Variants in PHF19 observed in about 807,000 individuals in gnomAD.
PHF19 encodes the protein polycomb like 3.
In PHF19, 21 loss-of-function variants were observed where a neutral mutation model predicts 79.8. That is an observed-to-expected ratio of 0.26 (90% CI 0.19 to 0.38). PHF19 has a LOEUF of 0.38. Ranked by LOEUF, PHF19 falls within the 10% of genes least tolerant of loss-of-function variation. PHF19 has a pLI of 1.00. For missense variants in PHF19, 445 were observed against 744.2 expected (o/e 0.60, Z 4.68); for synonymous variants, 273 against 296.3 (o/e 0.92, Z 0.81).
At chr9:120,871,248 T>G (rs965553723) in intron 3 of PHF19, among the ~76,000 whole-genome samples, 22 of 152,210 alleles carry the variant, frequency 1.4e-4, no homozygotes. Flanking sequence ...TATGAACTCA[T>G]GGCCAATCTC....
intron 1 of PHF19, chr9:120,894,694 G>C (rs1483469527): frequency 4.1e-6 from 2 of 482,124 alleles, no homozygotes; most frequent in Admixed American, 4.8e-5. Context: ...CGCTCAATGC[G>C]TTCCATATGG....
At chr9:120,902,085 CA>C in the PHF19 span, among the ~76,000 whole-genome samples, 1 of 152,298 alleles carries the variant, frequency 6.6e-6, no homozygotes, top group Admixed American at 6.5e-5. Flanking sequence ...AAAAGTGACA[CA>C]AACCCTCTTC....
At position 120,891,867 on chromosome 9, in the gene PHF19, C is replaced by T. The variant is rs964199891; in HGVS notation, c.42+2921G>A. 4.6e-5 allele frequency among the ~76,000 whole-genome samples: 7 copies of T among 152,298 alleles called. No homozygotes were observed. The highest frequency in any genetic ancestry group is 1.7e-4 in the African/African-American group (7 of 41,562). Reference sequence around the variant, plus strand: ...CAGACCAGGGACCCTGTGCTATAAACAAGTCTCCTGGTGATCCTTCTGCAC... The same window carrying T: ...CAGACCAGGGACCCTGTGCTATAAATAAGTCTCCTGGTGATCCTTCTGCAC... On this transcript the variant is annotated intron_variant, in intron 1 of 14. Transcript: ENST00000616568. This position sits in a 1 kb window ranked among gnomAD's most constrained non-coding sequence, Gnocchi z 4.3.
intron 12 of PHF19, 25 bp downstream of exon 12, chr9:120,861,893 G>A: frequency 6.6e-7 from 1 of 1,509,300 alleles, no homozygotes; most frequent in East Asian, 2.3e-5. Context: ...TATGAAAATG[G>A]AGAGTAAGAA....
rs534049616 is a variant in PHF19 at position 120,884,814 on chromosome 9, C to T, written c.42+9974G>A. On this transcript the variant is annotated intron_variant, in intron 1 of 14. Transcript: ENST00000616568. The stretch of plus-strand genomic sequence containing the variant: ...TACACGCCTATGATCCCAGCTACTC[C>T]AGAGGCCGAGGCATGAGAATCACTT... 1.2e-4 allele frequency among the ~76,000 whole-genome samples: 18 copies of T among 151,552 alleles called. 1 individual carries two copies. The South Asian group carries it at 3.6e-3, about 30-fold the overall frequency.
In PHF19 at chr9:120,863,689, A is replaced by C. The variant is rs1449625484; in HGVS notation, c.968+360T>G. Among the ~76,000 whole-genome samples, 7 of 152,262 alleles carry C rather than the reference A, an allele frequency of 4.6e-5. 1 individual carries two copies. The East Asian group carries it at 1.4e-3, about 29-fold the overall frequency. ...TGTGTGCTGAGAACCCTGGATGGGA[A>C]GACAGGGGCTGAGGGATGTCTTCCA... On this transcript the variant is annotated intron_variant, in intron 10 of 14. Transcript: ENST00000373896.
upstream of PHF19, among the ~76,000 whole-genome samples, chr9:120,878,605 C>G (rs933957778): frequency 6.6e-6 from 1 of 152,204 alleles, no homozygotes; most frequent in Non-Finnish European, 1.5e-5. Flanking sequence ...GTGCAGCCCC[C>G]CACCTCACCT....
At chr9:120,875,703 G>A (rs151151741) in intron 1 of PHF19, among the ~76,000 whole-genome samples, 5 of 152,242 alleles carry the variant, frequency 3.3e-5, no homozygotes, top group African/African-American at 1.2e-4. Flanking sequence ...AGGCACCTAG[G>A]GTGGGGAACG....
Position 120,869,677 on chromosome 9 carries a change from TC to T in PHF19, c.465+167del. On this transcript the variant is annotated intron_variant, in intron 5 of 14. Coordinates refer to ENST00000373896, the MANE Select transcript of PHF19 (RefSeq NM_015651.3). The surrounding 1 kb of genome is among the most constrained non-coding windows in gnomAD (Gnocchi z 5.8). Reference sequence around the variant, plus strand: ...ACTTTACAGTTGAGGAAACTGAGGCTCAGGGAGTCTACAAATCCTGGCCAAG... The same window carrying T: ...ACTTTACAGTTGAGGAAACTGAGGCTAGGGAGTCTACAAATCCTGGCCAAG... The T allele has an allele frequency of 6.5e-7, 1 of 1,550,292 alleles. No individual in the cohort carries two copies. Among genetic ancestry groups the T allele is most frequent in the Non-Finnish European group, 8.7e-7 (1 of 1,145,832 alleles).
chr9:120,900,897 C>A, the PHF19 span, among the ~76,000 whole-genome samples: 1 of 152,194 alleles, frequency 6.6e-6, no homozygotes, highest in East Asian at 1.9e-4. Flanking sequence ...GTGTCTCTTA[C>A]AATCAGGAAT....
At position 120,869,096 on chromosome 9, in the gene PHF19, C is replaced by T; in HGVS notation, c.614+86G>A. 1 of 1,407,124 alleles carries T rather than the reference C, an allele frequency of 7.1e-7. No homozygotes were observed. 87.2% of individuals were successfully genotyped at this position (1,407,124 alleles called of 1,614,324 possible). On this transcript the variant is annotated intron_variant, in intron 6 of 14. Coordinates refer to ENST00000373896, the MANE Select transcript of PHF19 (RefSeq NM_015651.3). The surrounding 1 kb of genome is among the most constrained non-coding windows in gnomAD (Gnocchi z 5.8). The stretch of plus-strand genomic sequence containing the variant: ...CAAGGTCCCCGCCTTGGCTGACACG[C>T]CAGGCTCGCTCCCTATGGGCGGTCC...
At position 120,870,119 on chromosome 9, in the gene PHF19, G is replaced by A. The variant is rs1347509642; in HGVS notation, c.365-174C>T. Among the ~76,000 whole-genome samples, 1 of 152,080 alleles carries A rather than the reference G, an allele frequency of 6.6e-6. No homozygotes were observed. The highest frequency in any genetic ancestry group is 2.4e-5 in the African/African-American group (1 of 41,412). ...AGATGGCCAAGTCAGTGTCCAGGCTGGGAACTAAATGACAGCATTGGCCAG... is the reference window on the plus strand; with the variant it reads ...AGATGGCCAAGTCAGTGTCCAGGCTAGGAACTAAATGACAGCATTGGCCAG... On this transcript the variant is annotated intron_variant, in intron 4 of 14. Transcript: ENST00000373896. The surrounding 1 kb of genome is among the most constrained non-coding windows in gnomAD (Gnocchi z 4.4).
chr9:120,890,907 T>A (rs567027598), intron 1 of PHF19, among the ~76,000 whole-genome samples: 146 of 152,322 alleles, frequency 9.6e-4, no homozygotes, highest in Non-Finnish European at 1.6e-3. Flanking sequence ...CCCTTTGTGA[T>A]CTGACACCTT....
chr9:120,869,587 T>C lies in PHF19; in HGVS notation c.466-257A>G, dbSNP rs2045827206. On this transcript the variant is annotated intron_variant, in intron 5 of 14. Coordinates refer to ENST00000373896, the MANE Select transcript of PHF19 (RefSeq NM_015651.3). This position sits in a 1 kb window ranked among gnomAD's most constrained non-coding sequence, Gnocchi z 5.8. ...AATTACCAACATGTATTTACATGGA[T>C]TTTCTTTTTTAATAGTAAAGCATCA... The C allele has an allele frequency of 1.4e-6, 2 of 1,470,760 alleles. No homozygotes were observed. The highest frequency in any genetic ancestry group is 2.5e-5 in the Admixed American group (1 of 40,302). 91.1% of individuals were successfully genotyped at this position (1,470,760 alleles called of 1,614,324 possible). A position where few individuals can be genotyped will look rare whatever the true frequency, so the allele number is the denominator to read the frequency against.
chr9:120,877,394 T>C (rs1015442640), upstream of PHF19: 13 of 977,766 alleles, frequency 1.3e-5, 1 homozygote, highest in African/African-American at 7.1e-5. Flanking sequence ...GGCCTCGCCA[T>C]TGGAGCCCGC....
Position 120,885,826 on chromosome 9 carries a change from T to C in PHF19, c.42+8962A>G, listed in dbSNP as rs182953324. Among the ~76,000 whole-genome samples the C allele has an allele frequency of 2.6e-5, 4 of 152,340 alleles. No homozygotes were observed. The East Asian group carries it at 7.7e-4, about 29-fold the overall frequency. On this transcript the variant is annotated intron_variant, in intron 1 of 14. Transcript: ENST00000616568. ...TGTTCCATGACATGTGACCTTCTTA[T>C]GAGTTTCAGAGGTAATCCCTGCCTG...
At position 120,859,012 on chromosome 9, in the gene PHF19, C is replaced by T. The variant is rs144247675; in HGVS notation, c.1401-726G>A. ...TGCACGCCTGTAGTCCCAGCTACTC[C>T]GGAGGCTGAGGCATGAGAATCACTT... is the stretch of plus-strand genomic sequence containing the variant. On this transcript the variant is annotated intron_variant, in intron 14 of 14. Transcript: ENST00000373896. 2.4e-4 allele frequency among the ~76,000 whole-genome samples: 37 copies of T among 152,072 alleles called. No homozygotes were observed. The East Asian group carries it at 5.8e-3, about 24-fold the overall frequency.
In PHF19 at chr9:120,864,072, G is replaced by A. The variant is rs769131893; in HGVS notation, c.945C>T (p.Asn315=). The part of the protein sequence containing the change: ...PVTDRGPHLL[N]ALNSYKSRFL... The stretch of plus-strand genomic sequence containing the variant: ...ACCGGCTTTTATAACTGTTCAGAGC[G>A]TTGAGGAGATGTGGTCCTCGATCTG... The change falls in exon 10 of 15, where the codon AAC becomes AAT. Residue 315 remains asparagine, a synonymous_variant. Transcript: ENST00000373896. The A allele has an allele frequency of 2.0e-5, 33 of 1,613,814 alleles. No individual in the cohort carries two copies. The highest frequency in any genetic ancestry group is 5.0e-5 in the Admixed American group (3 of 59,990).
rs1380417907 is a variant in PHF19 at position 120,861,945 on chromosome 9, C to G, written c.1191G>C (p.Lys397Asn). ...TGGGAATAGCATCTTCCAGCAAAAA[C>G]TTTGATCTTTTTCTTCTATAAACTC... ...KRRVYRRKRS[K>N]FLLEDAIPSS... The change falls in exon 12 of 15, where the codon AAG (lysine) becomes AAC (asparagine). Residue 397 changes from lysine to asparagine, a missense_variant. By Grantham distance (94) the Lys-to-Asn change is moderately conservative. This residue lies in a region of PHF19 where 83 missense variants were observed against 85.5 expected (regional missense o/e 0.97). Coordinates refer to ENST00000373896, the MANE Select transcript of PHF19 (RefSeq NM_015651.3). The G allele has an allele frequency of 1.3e-5, 21 of 1,613,352 alleles. No individual in the cohort carries two copies. Among genetic ancestry groups the G allele is most frequent in the Non-Finnish European group, 1.5e-5 (18 of 1,179,216 alleles).
Sources: allele counts gnomAD v4.1 joint callset (sites outside exome capture counted in the v4.1 genomes callset), GRCh38; gene constraint gnomAD v4.1.1; regional missense constraint gnomAD v4.1.1; non-coding constraint Gnocchi (gnomAD v3.1); transcripts MANE v1.5; gene names NCBI Gene and HGNC (gene_info 2026-07-23, HGNC 2026-07-21).